The following MAPT variants were observed in gnomAD, a reference collection of about 807,000 sequenced individuals.
The protein encoded by MAPT is microtubule associated protein tau.
MAPT carries 34 observed loss-of-function variants against 67.9 expected under a neutral mutation model. The observed-to-expected ratio is 0.50, with a 90% CI of 0.38 to 0.67. The LOEUF (loss-of-function observed/expected upper bound fraction) is 0.67, where lower values mean the gene tolerates loss of function less well. MAPT is among the 30% of genes least tolerant of loss of function. The pLI, the probability that MAPT is intolerant of heterozygous loss-of-function variation, is 0.00. For synonymous variants in MAPT, 456 were observed against 464.5 expected (o/e 0.98, Z 0.23); for missense variants, 881 against 1,115.2 (o/e 0.79, Z 2.99).
At chr17:45,956,551 TATATATATATATATATATATATATATA>T (rs1249958654) in intron 1 of MAPT, among the ~76,000 whole-genome samples, 13 of 186 alleles carry the variant, frequency 0.07, no homozygotes, top group Admixed American at 0.33. Flanking sequence ...GGTTCTTTTA[TATATATATATATATATATATATATATA>T]TATATATATA....
chr17:45,944,788 G>A (rs1363898220), intron 1 of MAPT, among the ~76,000 whole-genome samples: 2 of 152,134 alleles, frequency 1.3e-5, no homozygotes, highest in African/African-American at 4.8e-5. Flanking sequence ...GAGAGGCCTC[G>A]CAGCACCCGG....
Position 45,983,492 on chromosome 17 carries a change from C to G in MAPT, c.913C>G (p.Gln305Glu). The G allele has an allele frequency of 1.9e-6, 3 of 1,611,872 alleles. 1 individual carries two copies. The highest frequency in any genetic ancestry group is 1.7e-4 in the Middle Eastern group (1 of 6,048). ...CCGCGACGTCGATGAGTCCTCCCCC[C>G]AAGACTCCCCTCCCTCCAAGGCCTC... ...EDRDVDESSP[Q>E]DSPPSKASPA... Residue 305 changes from glutamine to glutamate, a missense_variant, in exon 5 of 13, where the codon CAA (glutamine) becomes GAA (glutamate). By Grantham distance (29) the Gln-to-Glu change is conservative. Around this residue, in one of 6 missense-constraint regions of MAPT, gnomAD observed 687 missense variants for 766.1 expected, o/e 0.90. Transcript: ENST00000262410.
At chr17:46,012,829 G>GTCC (rs1441263645) in intron 10 of MAPT, among the ~76,000 whole-genome samples, 4 of 143,344 alleles carry the variant, frequency 2.8e-5, no homozygotes, top group African/African-American at 5.2e-5. Context: ...ATACCAGCAC[G>GTCC]TCCTCCCACC....
At chr17:46,016,379 A>G (rs558413721) in intron 11 of MAPT, among the ~76,000 whole-genome samples, 3 of 148,832 alleles carry the variant, frequency 2.0e-5, no homozygotes, top group South Asian at 4.2e-4. Context: ...TGAGGGAGTG[A>G]GACTCCGTCT....
chr17:46,021,315 C>T (rs1426238944), intron 12 of MAPT, among the ~76,000 whole-genome samples: 1 of 152,200 alleles, frequency 6.6e-6, no homozygotes, highest in African/African-American at 2.4e-5. Context: ...AGGAGGCTGT[C>T]CGCCTCAAGA....
chr17:45,959,118 C>T (rs1425539357), intron 1 of MAPT, among the ~76,000 whole-genome samples: 1 of 152,080 alleles, frequency 6.6e-6, no homozygotes. Context: ...TTTAAAAAAA[C>T]ATTAATAGAC....
At chr17:45,946,256 A>G (rs1012037136) in intron 1 of MAPT, among the ~76,000 whole-genome samples, 4 of 152,098 alleles carry the variant, frequency 2.6e-5, no homozygotes, top group African/African-American at 9.7e-5. Context: ...GAGCACCATC[A>G]GTTTGTCTCA....
chr17:45,983,117 G>A lies in MAPT; in HGVS notation c.538G>A (p.Asp180Asn). 1 of 1,566,054 alleles carries A rather than the reference G, an allele frequency of 6.4e-7. No individual in the cohort carries two copies. The highest frequency in any genetic ancestry group is 8.7e-7 in the Non-Finnish European group (1 of 1,154,064). ...CCTGGAGTGGGGACAAAAAGGCGGG[G>A]ACTGGGCCGAGAAGGGTCCGGCCTT... ...PSLEWGQKGG[D>N]WAEKGPAFPK... Residue 180 changes from aspartate (D) to asparagine (N), a missense_variant, in exon 5 of 13, where the codon GAC becomes AAC. Coordinates refer to ENST00000262410, the MANE Select transcript of MAPT (RefSeq NM_001377265.1).
At chr17:45,929,100 A>T (rs2066623498) in intron 1 of MAPT, among the ~76,000 whole-genome samples, 1 of 152,210 alleles carries the variant, frequency 6.6e-6, no homozygotes, top group Non-Finnish European at 1.5e-5. Flanking sequence ...TTTTTTAATG[A>T]ATAAATAAAC....
intron 5 of MAPT, among the ~76,000 whole-genome samples, chr17:45,986,156 A>C (rs1396357709): frequency 6.6e-6 from 1 of 152,178 alleles, no homozygotes; most frequent in African/African-American, 2.4e-5. Flanking sequence ...TTTGTAGCTA[A>C]TTTGGGGAAG....
At chr17:45,985,925 T>TA (rs1220159009) in intron 5 of MAPT, among the ~76,000 whole-genome samples, 1 of 152,094 alleles carries the variant, frequency 6.6e-6, no homozygotes, top group Non-Finnish European at 1.5e-5. Flanking sequence ...CAGGTGACAA[T>TA]AGCCAATGAG....
chr17:45,904,220 T>TGTATAATATGTATATAAA (rs2064051019), intron 1 of MAPT, among the ~76,000 whole-genome samples: 1 of 46,332 alleles, frequency 2.2e-5, no homozygotes, highest in African/African-American at 7.6e-5. Context: ...ATTATATATA[T>TGTATAATATGTATATAAA]TATATATATT....
At chr17:45,997,630 C>T (rs958507695) in intron 9 of MAPT, among the ~76,000 whole-genome samples, 1 of 152,058 alleles carries the variant, frequency 6.6e-6, no homozygotes, top group East Asian at 1.9e-4. Context: ...GGTGGTGGTG[C>T]GCGCCTATAA....
At chr17:45,991,139 G>T (rs2074026599) in intron 7 of MAPT, among the ~76,000 whole-genome samples, 1 of 152,238 alleles carries the variant, frequency 6.6e-6, no homozygotes, top group Non-Finnish European at 1.5e-5. Context: ...TCCTGCCGAT[G>T]ATTGACATGG....
At chr17:45,965,493 G>A (rs753418070) in intron 2 of MAPT, among the ~76,000 whole-genome samples, 3 of 150,962 alleles carry the variant, frequency 2.0e-5, no homozygotes, top group Non-Finnish European at 3.0e-5. Flanking sequence ...TCGGCTCACC[G>A]CAACCTGCGC....
chr17:45,989,650 CAAA>C (rs1233017498), intron 6 of MAPT, among the ~76,000 whole-genome samples: 2 of 151,932 alleles, frequency 1.3e-5, no homozygotes, highest in Non-Finnish European at 2.9e-5. Flanking sequence ...GACTCCGTCT[CAAA>C]AAAGAAAAAG....
At chr17:45,903,278 C>G (rs2063737547) in intron 1 of MAPT, among the ~76,000 whole-genome samples, 1 of 152,140 alleles carries the variant, frequency 6.6e-6, no homozygotes, top group Non-Finnish European at 1.5e-5. Context: ...TGGATCGGAT[C>G]CAGTTCTGCC....
Position 45,991,553 on chromosome 17 carries a change from A to T in MAPT, c.1699A>T (p.Thr567Ser). 1 of 1,613,436 alleles carries T rather than the reference A, an allele frequency of 6.2e-7. No individual in the cohort carries two copies. The highest frequency in any genetic ancestry group is 8.5e-7 in the Non-Finnish European group (1 of 1,179,878). The change falls in exon 8 of 13, where the codon ACC becomes TCC. Residue 567 changes from threonine (T) to serine (S), a missense_variant. Coordinates refer to ENST00000262410, the MANE Select transcript of MAPT (RefSeq NM_001377265.1). ...QANATRIPAK[T>S]PPAPKTPPSS... ...CAACGCCACCAGGATTCCAGCAAAAACCCCGCCCGCTCCAAAGACACCACC... is the reference window on the plus strand; with the variant it reads ...CAACGCCACCAGGATTCCAGCAAAATCCCCGCCCGCTCCAAAGACACCACC...
chr17:45,956,545 CTT>C (rs2069673629), intron 1 of MAPT, among the ~76,000 whole-genome samples: 1 of 132,340 alleles, frequency 7.6e-6, no homozygotes, highest in African/African-American at 3.0e-5. Flanking sequence ...CTAGCAGGTT[CTT>C]TTATATATAT....
Sources: allele counts gnomAD v4.1 joint callset (sites outside exome capture counted in the v4.1 genomes callset), GRCh38; gene constraint gnomAD v4.1.1; regional missense constraint gnomAD v4.1.1; transcripts MANE v1.5; gene names NCBI Gene and HGNC (gene_info 2026-07-23, HGNC 2026-07-21).